The following PTPRD variants were observed in gnomAD, a reference collection of about 807,000 sequenced individuals.
PTPRD encodes the protein receptor-type tyrosine-protein phosphatase delta.
PTPRD carries 34 observed loss-of-function variants against 214.5 expected under a neutral mutation model. That is an observed-to-expected ratio of 0.16 (90% confidence interval 0.12 to 0.21). The LOEUF is 0.21. Ranked by LOEUF, PTPRD falls within the 10% of genes least tolerant of loss-of-function variation. The probability of loss-of-function intolerance (pLI) is 1.00; values close to 1 mark genes in which losing one functional copy is unlikely to be tolerated. For missense variants in PTPRD, 2,545 were observed against 2,398.7 expected (o/e 1.06, Z -1.27); for synonymous variants, 1,128 against 845.7 (o/e 1.33, Z -5.79).
At chr9:8,675,686 A>T (rs1019804816) in intron 12 of PTPRD, among the ~76,000 whole-genome samples, 1 of 151,864 alleles carries the variant, frequency 6.6e-6, no homozygotes, top group Non-Finnish European at 1.5e-5. Context: ...AAGCTTGTGG[A>T]CCCATCATCT....
At chr9:9,733,648 A>G (rs1400307988) in intron 7 of PTPRD, among the ~76,000 whole-genome samples, 2 of 152,174 alleles carry the variant, frequency 1.3e-5, no homozygotes, top group Non-Finnish European at 2.9e-5. Flanking sequence ...TAAATAATGG[A>G]GTACAAGATT....
At chr9:10,029,965 G>A in intron 4 of PTPRD, among the ~76,000 whole-genome samples, 1 of 152,130 alleles carries the variant, frequency 6.6e-6, no homozygotes, top group Non-Finnish European at 1.5e-5. Context: ...GGTCTTTTCT[G>A]TGCTGTTCTC....
intron 5 of PTPRD, among the ~76,000 whole-genome samples, chr9:9,842,087 T>C (rs1309332965): frequency 1.3e-5 from 2 of 151,994 alleles, no homozygotes; most frequent in African/African-American, 2.4e-5. Context: ...TATTTTTGGA[T>C]GTATATATAC....
chr9:9,783,318 C>T (rs2098877150), intron 5 of PTPRD, among the ~76,000 whole-genome samples: 1 of 152,104 alleles, frequency 6.6e-6, no homozygotes, highest in South Asian at 2.1e-4. Context: ...CAATTTCTTT[C>T]TTGCATGAAA....
At chr9:9,018,667 G>A (rs2099546480) in intron 11 of PTPRD, 30 bp downstream of exon 11, 1 of 152,054 alleles carries the variant, frequency 6.6e-6, no homozygotes, top group African/African-American at 2.4e-5. Context: ...TGAAAGCCAG[G>A]CACACAACCC....
At chr9:9,115,551 T>G (rs1569546346) in intron 10 of PTPRD, among the ~76,000 whole-genome samples, 1 of 152,134 alleles carries the variant, frequency 6.6e-6, no homozygotes, top group Non-Finnish European at 1.5e-5. Context: ...TACTACAGCC[T>G]CTATGGAAAA....
Position 8,666,039 on chromosome 9 carries a change from GTTT to G in PTPRD, c.65-29198_65-29196del, listed in dbSNP as rs35323995. Among the ~76,000 whole-genome samples the G allele has an allele frequency of 1.4e-3, 207 of 144,752 alleles. 1 individual carries two copies. Among genetic ancestry groups the G allele is most frequent in the African/African-American group, 4.9e-3 (197 of 39,810 alleles). 95.0% of individuals were successfully genotyped at this position (144,752 alleles called of 152,430 possible). A position where few individuals can be genotyped will look rare whatever the true frequency, so the allele number is the denominator to read the frequency against. ...CTGCACATTTAGGCGTTTCATAACTGTTTTTTTTTTTTCTGAATGAAAATCACT... is the reference window on the plus strand; with the variant it reads ...CTGCACATTTAGGCGTTTCATAACTGTTTTTTTTTCTGAATGAAAATCACT... On this transcript the variant is annotated intron_variant, in intron 12 of 45. Transcript: ENST00000381196.
intron 9 of PTPRD, among the ~76,000 whole-genome samples, chr9:9,236,933 C>A (rs1003596811): frequency 2.0e-5 from 3 of 152,094 alleles, no homozygotes; most frequent in Non-Finnish European, 2.9e-5. Flanking sequence ...AAAGGCTGCA[C>A]CTTTTTGCTT....
At chr9:9,615,456 C>A (rs2094802367) in intron 7 of PTPRD, among the ~76,000 whole-genome samples, 1 of 152,182 alleles carries the variant, frequency 6.6e-6, no homozygotes, top group Admixed American at 6.5e-5. Flanking sequence ...ATGTCTTCTC[C>A]AAGGGAAGTC....
At chr9:9,206,402 TTG>T (rs1411951244) in intron 9 of PTPRD, among the ~76,000 whole-genome samples, 76 of 151,906 alleles carry the variant, frequency 5.0e-4, no homozygotes, top group Admixed American at 1.4e-3. Flanking sequence ...GGAGTGAGAG[TTG>T]GGGGAGGCAA....
chr9:10,193,340 CTG>C (rs1391087417), intron 3 of PTPRD, among the ~76,000 whole-genome samples: 8 of 151,960 alleles, frequency 5.3e-5, no homozygotes, highest in African/African-American at 1.9e-4. Flanking sequence ...CCCACCTAGA[CTG>C]TGTTTAAAAC....
chr9:9,083,865 A>T (rs2099762824), intron 10 of PTPRD, among the ~76,000 whole-genome samples: 1 of 152,174 alleles, frequency 6.6e-6, no homozygotes, highest in African/African-American at 2.4e-5. Flanking sequence ...ACCATCTCAC[A>T]CCAGTTAGAA....
chr9:9,508,485 G>C (rs904475623), intron 8 of PTPRD, among the ~76,000 whole-genome samples: 2 of 151,646 alleles, frequency 1.3e-5, no homozygotes, highest in African/African-American at 4.8e-5. Flanking sequence ...ACTTAGAATA[G>C]CTTTTTCTCC....
intron 2 of PTPRD, among the ~76,000 whole-genome samples, chr9:10,545,033 G>C (rs1003703354): frequency 5.9e-5 from 9 of 152,104 alleles, no homozygotes; most frequent in African/African-American, 2.2e-4. Flanking sequence ...ATATGTAAAA[G>C]GGAGAAATGT....
chr9:9,921,139 T>C (rs146663416), intron 5 of PTPRD, among the ~76,000 whole-genome samples: 15 of 152,228 alleles, frequency 9.9e-5, no homozygotes, highest in South Asian at 2.1e-4. Flanking sequence ...ACTGAAGTTA[T>C]TGGAGTTGCA....
intron 30 of PTPRD, among the ~76,000 whole-genome samples, chr9:8,478,455 T>C (rs1288733346): frequency 6.6e-6 from 1 of 152,196 alleles, no homozygotes; most frequent in African/African-American, 2.4e-5. Context: ...TTTATAAACA[T>C]AAAACGGTTG....
At chr9:9,745,512 G>C (rs150080623) in intron 6 of PTPRD, among the ~76,000 whole-genome samples, 264 of 152,100 alleles carry the variant, frequency 1.7e-3, no homozygotes, top group Non-Finnish European at 3.1e-3. Flanking sequence ...CACCATCGTG[G>C]CAGGGCAAAT....
At chr9:10,094,713 G>C (rs2098466164) in intron 3 of PTPRD, among the ~76,000 whole-genome samples, 1 of 151,208 alleles carries the variant, frequency 6.6e-6, no homozygotes, top group Admixed American at 6.6e-5. Flanking sequence ...AACAGGAATT[G>C]AAGTAAGGAA....
At chr9:9,129,368 C>T (rs2154473162) in intron 10 of PTPRD, among the ~76,000 whole-genome samples, 1 of 152,126 alleles carries the variant, frequency 6.6e-6, no homozygotes, top group East Asian at 1.9e-4. Flanking sequence ...CCAGCCTGGG[C>T]AACAGAGACT....
Sources: gnomAD v4.1 joint callset for allele counts (sites outside exome capture counted in the v4.1 genomes callset) on GRCh38, gnomAD v4.1.1 for gene constraint, MANE v1.5 for transcripts, NCBI Gene and HGNC (gene_info 2026-07-23, HGNC 2026-07-21) for gene names.